FGF14: variants seen among roughly 807,000 people sequenced by gnomAD.
FGF14 encodes the protein fibroblast growth factor homologous factor 4.
Under a neutral mutation model 25.5 loss-of-function variants are expected in FGF14, and 5 were observed. That is an observed-to-expected ratio of 0.20 (90% CI 0.10 to 0.41). The LOEUF (loss-of-function observed/expected upper bound fraction) is 0.41, where lower values mean the gene tolerates loss of function less well. Ranked by LOEUF, FGF14 falls within the 10% of genes least tolerant of loss-of-function variation. FGF14 has a pLI of 1.00. For missense variants in FGF14, 222 were observed against 320.1 expected, an observed-to-expected ratio of 0.69 and a Z score of 2.34; for synonymous variants, 138 against 118.3, an observed-to-expected ratio of 1.17 and a Z score of -1.08.
At chr13:102,092,198 G>T (rs2044196213) in intron 1 of FGF14, among the ~76,000 whole-genome samples, 1 of 152,104 alleles carries the variant, frequency 6.6e-6, no homozygotes, top group Non-Finnish European at 1.5e-5. Flanking sequence ...CCATTCCTGG[G>T]AAAGTTAGCA....
intron 3 of FGF14, among the ~76,000 whole-genome samples, chr13:101,828,420 T>C (rs981919525): frequency 3.9e-5 from 6 of 152,066 alleles, no homozygotes; most frequent in East Asian, 1.9e-4. Context: ...ATGATAATCA[T>C]TAATTGTCAA....
chr13:101,839,036 T>C (rs1337309257), intron 3 of FGF14, among the ~76,000 whole-genome samples: 1 of 152,048 alleles, frequency 6.6e-6, no homozygotes, highest in African/African-American at 2.4e-5. Context: ...TAGGCATCAA[T>C]ATAATTTAAA....
chr13:101,721,456 GATAA>G lies in FGF14; in HGVS notation c.*1371_*1374del, dbSNP rs1204015479. ...TTGGTTTGCCTTTATTTTCATCTAG[GATAA>G]TTCAACAGACTGTATTCTGAGATCA... is the stretch of plus-strand genomic sequence containing the variant. On this transcript the variant is annotated 3_prime_UTR_variant, in exon 5 of 5. Transcript: ENST00000376143. 6.6e-6 allele frequency: 1 copy of G among 151,430 alleles called. No homozygotes were observed. Among genetic ancestry groups the G allele is most frequent in the East Asian group, 1.9e-4 (1 of 5,134 alleles). The allele number at this position is 151,430 out of a possible 1,614,324, so 9.4% of individuals were successfully genotyped here.
chr13:102,064,344 A>G (rs1443671471), intron 1 of FGF14, among the ~76,000 whole-genome samples: 1 of 152,126 alleles, frequency 6.6e-6, no homozygotes, highest in Non-Finnish European at 1.5e-5. Context: ...AAAGACAGAC[A>G]TAATAGCCTT....
intron 1 of FGF14, among the ~76,000 whole-genome samples, chr13:101,983,982 C>T (rs2038418223): frequency 6.6e-6 from 1 of 152,124 alleles, no homozygotes; most frequent in African/African-American, 2.4e-5. Flanking sequence ...ACTTTGGAGT[C>T]AGAATTGAAT....
chr13:102,062,890 G>T (rs1026194124), intron 1 of FGF14, among the ~76,000 whole-genome samples: 1 of 152,092 alleles, frequency 6.6e-6, no homozygotes, highest in Non-Finnish European at 1.5e-5. Context: ...TTTGACCAAG[G>T]TGTTGCTTAA....
intron 1 of FGF14, among the ~76,000 whole-genome samples, chr13:102,174,012 T>C (rs1170232478): frequency 6.6e-6 from 1 of 152,120 alleles, no homozygotes; most frequent in Non-Finnish European, 1.5e-5. Flanking sequence ...TATCTCTATA[T>C]GCTGATGACA....
At chr13:102,208,080 A>C (rs2050010911) in intron 1 of FGF14, among the ~76,000 whole-genome samples, 1 of 152,232 alleles carries the variant, frequency 6.6e-6, no homozygotes, top group Non-Finnish European at 1.5e-5. Context: ...AGGTTAATAT[A>C]GCATTTGAAA....
intron 3 of FGF14, among the ~76,000 whole-genome samples, chr13:101,790,951 G>A (rs1344955206): frequency 6.6e-6 from 1 of 152,180 alleles, no homozygotes; most frequent in Non-Finnish European, 1.5e-5. Flanking sequence ...ATAGGTGCTT[G>A]CATTTGAAAG....
At chr13:101,860,603 G>A (rs1400379371) in intron 3 of FGF14, among the ~76,000 whole-genome samples, 2 of 151,954 alleles carry the variant, frequency 1.3e-5, no homozygotes, top group African/African-American at 4.8e-5. Flanking sequence ...TAGAAATGGA[G>A]TCTCACTCTG....
intron 1 of FGF14, among the ~76,000 whole-genome samples, chr13:102,082,780 C>G (rs2140203553): frequency 6.9e-6 from 1 of 144,466 alleles, no homozygotes; most frequent in East Asian, 2.1e-4. Flanking sequence ...CGGTGAAACC[C>G]CGTCTCTACT....
At chr13:101,723,906 G>C (rs1233331946) in intron 4 of FGF14, among the ~76,000 whole-genome samples, 1 of 152,072 alleles carries the variant, frequency 6.6e-6, no homozygotes, top group East Asian at 1.9e-4. Flanking sequence ...GTTTTTGAAA[G>C]TTTAAGGTAT....
chr13:102,257,047 G>A (rs2052475236), intron 1 of FGF14, among the ~76,000 whole-genome samples: 1 of 152,148 alleles, frequency 6.6e-6, no homozygotes, highest in African/African-American at 2.4e-5. Context: ...GGAAAAAGGA[G>A]AATTGGCTTG....
At chr13:102,401,536 C>A in exon 1 of FGF14, 1 of 1,614,156 alleles carries the variant, frequency 6.2e-7, no homozygotes, top group South Asian at 1.1e-5. Context: ...CGTTCCTTTG[C>A]TGAAAATGTT....
intron 3 of FGF14, among the ~76,000 whole-genome samples, chr13:101,743,350 G>A (rs2036673912): frequency 6.6e-6 from 1 of 152,152 alleles, no homozygotes; most frequent in Admixed American, 6.6e-5. Context: ...ATTCAGATCT[G>A]TTTACCAATT....
chr13:101,916,260 G>A lies in FGF14; in HGVS notation c.193+193C>T, dbSNP rs117078917. Among the ~76,000 whole-genome samples the A allele has an allele frequency of 0.023, 3,537 of 152,328 alleles. 64 individuals are homozygous for A. The highest frequency in any genetic ancestry group is 0.044 in the Middle Eastern group (13 of 294). On this transcript the variant is annotated intron_variant, in intron 1 of 4. Coordinates refer to ENST00000376143, the MANE Select transcript of FGF14 (RefSeq NM_004115.4). ...AGCCAACTTGCCATCTCTGGCGGCT[G>A]CACTTCTCGGCGGCTACAGGTTGCC...
intron 3 of FGF14, among the ~76,000 whole-genome samples, chr13:101,817,122 T>C (rs1475542170): frequency 6.6e-6 from 1 of 152,152 alleles, no homozygotes; most frequent in Non-Finnish European, 1.5e-5. Context: ...TTAAGTAATT[T>C]CCAAAAAGGT....
At chr13:101,948,261 T>A (rs929939102) in intron 1 of FGF14, among the ~76,000 whole-genome samples, 5 of 152,266 alleles carry the variant, frequency 3.3e-5, no homozygotes, top group East Asian at 1.9e-4. Flanking sequence ...TATTTTGAAA[T>A]AGCTCAGGTT....
rs569431413 is a variant in FGF14, at chr13:102,335,701, G to A, written c.208+65770C>T. On this transcript the variant is annotated intron_variant, in intron 1 of 4. Coordinates refer to the FGF14 transcript ENST00000376131. ...GTGCCTCTCTTTAATGCGCTTCACG[G>A]ATGCTGTGCTTTGTTACAAATTGAA... 3.3e-5 allele frequency among the ~76,000 whole-genome samples: 5 copies of A among 152,262 alleles called. No homozygotes were observed. The East Asian group carries it at 9.6e-4, about 29-fold the overall frequency.
Sources: gnomAD v4.1 joint callset for allele counts (sites outside exome capture counted in the v4.1 genomes callset) on GRCh38, gnomAD v4.1.1 for gene constraint, MANE v1.5 for transcripts, NCBI Gene and HGNC (gene_info 2026-07-23, HGNC 2026-07-21) for gene names.